Variants in CTIF observed in about 807,000 individuals in gnomAD.
CTIF encodes cap binding complex dependent translation initiation factor.
Under a neutral mutation model 66.0 loss-of-function variants are expected in CTIF, and 21 were observed. The observed-to-expected ratio is 0.32, with a 90% confidence interval of 0.23 to 0.46. The LOEUF is 0.46. Ranked by LOEUF, CTIF falls within the 20% of genes least tolerant of loss-of-function variation. CTIF has a pLI of 1.00. For missense variants in CTIF, 739 were observed against 812.7 expected (o/e 0.91, Z 1.10); for synonymous variants, 345 against 326.4 (o/e 1.06, Z -0.62).
chr18:48,576,716 G>C (rs771160204), intron 1 of CTIF, among the ~76,000 whole-genome samples: 44 of 152,314 alleles, frequency 2.9e-4, no homozygotes, highest in Admixed American at 2.6e-4. Context: ...CACTAAGAAA[G>C]CAGAGAATAA....
intron 1 of CTIF, among the ~76,000 whole-genome samples, chr18:48,618,635 G>C (rs928212770): frequency 6.6e-5 from 10 of 152,234 alleles, no homozygotes; most frequent in Admixed American, 1.3e-4. Context: ...GGATAAGCAA[G>C]GGAGCGGGGA....
At chr18:48,783,595 C>T (rs951055569) in intron 9 of CTIF, among the ~76,000 whole-genome samples, 5 of 152,074 alleles carry the variant, frequency 3.3e-5, no homozygotes, top group East Asian at 1.9e-4. Flanking sequence ...GGGAGGCCTC[C>T]GACCCTGGGG....
chr18:48,603,849 A>ATTT (rs34207687), intron 1 of CTIF, among the ~76,000 whole-genome samples: 4 of 138,144 alleles, frequency 2.9e-5, no homozygotes, highest in Non-Finnish European at 3.1e-5. Flanking sequence ...ACTCAGTGAA[A>ATTT]TTTTTTTTTT....
At chr18:48,640,458 G>A (rs1437528373) in intron 3 of CTIF, among the ~76,000 whole-genome samples, 1 of 152,202 alleles carries the variant, frequency 6.6e-6, no homozygotes, top group Non-Finnish European at 1.5e-5. Context: ...TCCCTAGTGG[G>A]CCCTTTTCCT....
At chr18:48,681,849 G>C (rs886836161) in intron 6 of CTIF, among the ~76,000 whole-genome samples, 1 of 151,914 alleles carries the variant, frequency 6.6e-6, no homozygotes, top group Non-Finnish European at 1.5e-5. Context: ...ACAATGGCTC[G>C]ATCTTGGCTC....
In CTIF at chr18:48,789,109, T is replaced by G. The variant is rs115064086; in HGVS notation, c.1371+27420T>G. ...GACTGCAAGCCTCATCTTCCTTTAG[T>G]ACAGTCACTCTAGGCCTCTGAACCA... is the stretch of plus-strand genomic sequence containing the variant. On this transcript the variant is annotated intron_variant, in intron 9 of 11. Coordinates refer to ENST00000256413, the MANE Select transcript of CTIF (RefSeq NM_014772.3). Among the ~76,000 whole-genome samples, 949 of 152,306 alleles carry G rather than the reference T, an allele frequency of 6.2e-3. 14 individuals carry two copies. Among genetic ancestry groups the G allele is most frequent in the African/African-American group, 0.022 (901 of 41,546 alleles).
intron 7 of CTIF, among the ~76,000 whole-genome samples, chr18:48,717,618 C>A (rs991660268): frequency 1.1e-4 from 17 of 151,834 alleles, no homozygotes; most frequent in African/African-American, 3.9e-4. Flanking sequence ...CAATTATATA[C>A]TTTAAAGGAG....
chr18:48,546,586 G>A (rs2088755805), intron 1 of CTIF, among the ~76,000 whole-genome samples: 2 of 152,188 alleles, frequency 1.3e-5, no homozygotes, highest in Non-Finnish European at 2.9e-5. Flanking sequence ...ATCTCAGGCA[G>A]TGTGGACGGT....
intron 7 of CTIF, among the ~76,000 whole-genome samples, chr18:48,718,149 T>C (rs921600012): frequency 3.9e-5 from 6 of 152,254 alleles, no homozygotes; most frequent in Non-Finnish European, 5.9e-5. Flanking sequence ...TGTGTGAACC[T>C]GTGCTAGCTA....
At chr18:48,651,969 G>C (rs1043684287) in intron 3 of CTIF, among the ~76,000 whole-genome samples, 1 of 152,228 alleles carries the variant, frequency 6.6e-6, no homozygotes, top group Non-Finnish European at 1.5e-5. Flanking sequence ...TTAAAGCAGT[G>C]TGTAGAGGGA....
rs1184135837 is a variant in CTIF at position 48,860,670 on chromosome 18, A to T, written c.*1111A>T. The T allele has an allele frequency of 6.6e-6, 1 of 152,284 alleles. No homozygotes were observed. The highest frequency in any genetic ancestry group is 2.4e-5 in the African/African-American group (1 of 41,468). The allele number at this position is 152,284 out of a possible 1,614,324, so 9.4% of individuals were successfully genotyped here. ...CACGCAGGTCTTACTGGGGAAAAGGATGGGAGTGGGGGCTCCCCAGGACTC... is the reference window on the plus strand; with the variant it reads ...CACGCAGGTCTTACTGGGGAAAAGGTTGGGAGTGGGGGCTCCCCAGGACTC... On this transcript the variant is annotated 3_prime_UTR_variant, in exon 12 of 12. Transcript: ENST00000256413.
chr18:48,840,494 G>T (rs569088003), intron 10 of CTIF, among the ~76,000 whole-genome samples: 1 of 152,164 alleles, frequency 6.6e-6, no homozygotes, highest in Non-Finnish European at 1.5e-5. Context: ...TCTGCTAAGG[G>T]TAAGGCTCTA....
At chr18:48,676,999 G>A (rs948690787) in intron 6 of CTIF, among the ~76,000 whole-genome samples, 5 of 152,056 alleles carry the variant, frequency 3.3e-5, no homozygotes, top group African/African-American at 9.7e-5. Context: ...GGTCCTGGGC[G>A]GGAGGCCGGG....
At chr18:48,764,596 A>G (rs1599000062) in intron 9 of CTIF, among the ~76,000 whole-genome samples, 1 of 152,258 alleles carries the variant, frequency 6.6e-6, no homozygotes, top group East Asian at 1.9e-4. Context: ...AGTCCAGGGC[A>G]AGAAGGGAAC....
chr18:48,720,190 G>A (rs927533710), intron 7 of CTIF, among the ~76,000 whole-genome samples: 2 of 152,192 alleles, frequency 1.3e-5, no homozygotes, highest in African/African-American at 2.4e-5. Flanking sequence ...AGATAAAGAA[G>A]TATGTTGTAG....
At chr18:48,565,748 C>T (rs764271758) in intron 1 of CTIF, 4 of 152,262 alleles carry the variant, frequency 2.6e-5, no homozygotes, top group African/African-American at 9.6e-5. Context: ...GGTAGTGCCC[C>T]GTACCTCCAA....
chr18:48,754,483 A>G (rs1347500409), intron 7 of CTIF, among the ~76,000 whole-genome samples: 1 of 152,206 alleles, frequency 6.6e-6, no homozygotes, highest in Non-Finnish European at 1.5e-5. Flanking sequence ...GTGCAGGAAG[A>G]AGGAAAAGGG....
intron 10 of CTIF, among the ~76,000 whole-genome samples, chr18:48,848,784 G>A (rs2069134677): frequency 6.6e-6 from 1 of 152,218 alleles, no homozygotes; most frequent in South Asian, 2.1e-4. Context: ...CTCCCTGGCT[G>A]CTGTGGGGCC....
chr18:48,654,450 C>T (rs1410121476), intron 3 of CTIF, among the ~76,000 whole-genome samples: 2 of 152,162 alleles, frequency 1.3e-5, no homozygotes, highest in Non-Finnish European at 2.9e-5. Context: ...GTTAGAATGA[C>T]AATCATTAAA....
Sources: gnomAD v4.1 joint callset for allele counts (sites outside exome capture counted in the v4.1 genomes callset) on GRCh38, gnomAD v4.1.1 for gene constraint, MANE v1.5 for transcripts, NCBI Gene and HGNC (gene_info 2026-07-23, HGNC 2026-07-21) for gene names.